COL4A6: variants seen among roughly 807,000 people sequenced by gnomAD.
The protein encoded by COL4A6 is collagen alpha-6(IV) chain.
Under a neutral mutation model 126.7 loss-of-function variants are expected in COL4A6, and 59 were observed. The ratio of observed to expected loss-of-function variants is 0.47; its 90% CI spans 0.38 to 0.58. The LOEUF (loss-of-function observed/expected upper bound fraction) is 0.58, where lower values mean the gene tolerates loss of function less well. Among genes scored for constraint, COL4A6 ranks in the 20% least tolerant of loss-of-function variants. The pLI, the probability that COL4A6 is intolerant of heterozygous loss-of-function variation, is 0.00. For synonymous variants in COL4A6, 547 were observed against 496.6 expected, an observed-to-expected ratio of 1.10 and a Z score of -1.35; for missense variants, 1,285 against 1,337.3, an observed-to-expected ratio of 0.96 and a Z score of 0.61.
At chrX:108,263,149 A>G (rs1013385013) in intron 3 of COL4A6, among the ~76,000 whole-genome samples, 1 of 111,254 alleles carries the variant, frequency 9.0e-6, no homozygotes, top group Admixed American at 9.6e-5. Context: ...AGCTGAAGCT[A>G]CTAGACTAAC....
chrX:108,340,677 C>T (rs1172367582), intron 2 of COL4A6, among the ~76,000 whole-genome samples: 1 of 110,415 alleles, frequency 9.1e-6, no homozygotes, highest in Non-Finnish European at 1.9e-5. Context: ...AATGATGTTT[C>T]ATATCATTTA....
At chrX:108,321,282 A>G (rs113629424) in intron 2 of COL4A6, among the ~76,000 whole-genome samples, 1 of 112,040 alleles carries the variant, frequency 8.9e-6, no homozygotes, top group Non-Finnish European at 1.9e-5. Flanking sequence ...GTTAAGTATC[A>G]GAGTGGGGAT....
intron 44 of COL4A6, among the ~76,000 whole-genome samples, chrX:108,158,167 G>T (rs1287653642): frequency 8.9e-6 from 1 of 112,878 alleles, no homozygotes; most frequent in Admixed American, 9.3e-5. Context: ...TTGCTAAGTA[G>T]CAGACACTAG....
chrX:108,354,540 A>G (rs936268351), intron 2 of COL4A6, among the ~76,000 whole-genome samples: 1 of 109,938 alleles, frequency 9.1e-6, no homozygotes, highest in Non-Finnish European at 1.9e-5. Flanking sequence ...CATTCACAGT[A>G]GGGGAAAAGA....
intron 2 of COL4A6, among the ~76,000 whole-genome samples, chrX:108,365,744 C>T (rs1366953168): frequency 1.8e-5 from 2 of 111,787 alleles, no homozygotes; most frequent in African/African-American, 6.5e-5. Context: ...TAAGTCTGGG[C>T]AAGACCTGAA....
chrX:108,159,830 A>G, intron 43 of COL4A6, 82 bp from the exon 44 acceptor site: 1 of 1,022,261 alleles, frequency 9.8e-7, no homozygotes, highest in African/African-American at 1.9e-5. Flanking sequence ...TTTACATCCA[A>G]CCACTTGCAC....
At chrX:108,260,034 C>T (rs60822345) in intron 3 of COL4A6, among the ~76,000 whole-genome samples, 2,041 of 109,544 alleles carry the variant, frequency 0.019, 32 homozygotes, top group East Asian at 0.077. Context: ...TCATGAGTGT[C>T]GTATGCTCTC....
At chrX:108,379,632 G>C (rs1269220612) in intron 2 of COL4A6, among the ~76,000 whole-genome samples, 1 of 107,627 alleles carries the variant, frequency 9.3e-6, no homozygotes, top group Non-Finnish European at 1.9e-5. Context: ...GACTCTGACT[G>C]ATTTAAGGGA....
At chrX:108,186,987 T>C in intron 23 of COL4A6, 109 bp downstream of exon 23, 3 of 647,537 alleles carry the variant, frequency 4.6e-6, no homozygotes, top group Non-Finnish European at 2.2e-6. Flanking sequence ...AAAGTAGTGA[T>C]TATGGTCAGA....
At chrX:108,355,098 C>CA (rs769718672) in intron 2 of COL4A6, among the ~76,000 whole-genome samples, 1 of 111,425 alleles carries the variant, frequency 9.0e-6, no homozygotes, top group Non-Finnish European at 1.9e-5. Context: ...ATAAAAATTA[C>CA]AAAGTCATAC....
At chrX:108,256,440 C>A (rs1320036606) in intron 3 of COL4A6, among the ~76,000 whole-genome samples, 1 of 111,552 alleles carries the variant, frequency 9.0e-6, no homozygotes, top group Admixed American at 9.5e-5. Flanking sequence ...TATATTAAAT[C>A]ATGCAATCTT....
At chrX:108,161,494 G>T in intron 42 of COL4A6, 125 bp downstream of exon 42, 1 of 477,851 alleles carries the variant, frequency 2.1e-6, no homozygotes, top group Non-Finnish European at 3.7e-6. Flanking sequence ...GAGCATCTTA[G>T]GAGTGTCAAG....
chrX:108,188,555 G>T lies in COL4A6; in HGVS notation c.1549C>A (p.Arg517=). The T allele has an allele frequency of 1.7e-6, 2 of 1,176,349 alleles. No homozygotes were observed. Among genetic ancestry groups the T allele is most frequent in the Non-Finnish European group, 2.3e-6 (2 of 877,882 alleles). Residue 517 remains arginine (R), a synonymous_variant, in exon 21 of 45, where the codon CGA becomes AGA. Transcript: ENST00000334504. ...GGGCCCTGTGCACCCCCAGAGCCTC[G>T]ATCTCCTCTGGCTCCTTTAAGGCCT... The part of the protein sequence containing the change: ...LPGLKGARGD[R]GSGGAQGPAG...
Position 108,400,348 on chromosome X carries a change from TG to T in COL4A6, c.63+37593del, listed in dbSNP as rs779415770. ...ACTTTGGCCATAAATCACATAAAGA[TG>T]GTACTATCTCATTACTCATTTTTGC... is the stretch of plus-strand genomic sequence containing the variant. On this transcript the variant is annotated intron_variant, in intron 2 of 44. Transcript: ENST00000334504. Among the ~76,000 whole-genome samples, 4 of 111,351 alleles carry T rather than the reference TG, an allele frequency of 3.6e-5. No individual in the cohort carries two copies. In the East Asian group the frequency reaches 1.1e-3, roughly 31 times the overall value.
At chrX:108,251,855 G>A (rs2036857611) in intron 3 of COL4A6, among the ~76,000 whole-genome samples, 1 of 110,771 alleles carries the variant, frequency 9.0e-6, no homozygotes, top group African/African-American at 3.3e-5. Context: ...TTTTTAATTG[G>A]CACATAATAA....
intron 3 of COL4A6, among the ~76,000 whole-genome samples, chrX:108,303,982 C>T (rs2038563223): frequency 1.8e-5 from 2 of 111,901 alleles, no homozygotes; most frequent in South Asian, 3.7e-4. Context: ...TGGTGTCTGA[C>T]TTAGATTGTC....
Position 108,157,098 on chromosome X carries a change from T to C in COL4A6, c.4975A>G (p.Arg1659Gly). The change falls in exon 45 of 45, where the codon AGG (arginine) becomes GGG (glycine). Residue 1659 changes from arginine to glycine, a missense_variant. Transcript: ENST00000334504. ...ACAGGCAACTCCCCAAACTGCTGCC[T>C]CTCCTCCACTGTGGTCAACCAGAAA... ...YSFWLTTVEE[R>G]QQFGELPVSE... is the part of the protein sequence containing the mutation. 8.3e-7 allele frequency: 1 copy of C among 1,211,519 alleles called. No individual in the cohort carries two copies. Among genetic ancestry groups the C allele is most frequent in the Non-Finnish European group, 1.1e-6 (1 of 895,384 alleles).
intron 3 of COL4A6, among the ~76,000 whole-genome samples, chrX:108,231,260 G>A (rs1207002759): frequency 1.8e-5 from 2 of 111,441 alleles, no homozygotes; most frequent in African/African-American, 3.3e-5. Context: ...GAAGCAGCCA[G>A]CCCAGGCATG....
chrX:108,434,567 A>G (rs1476894834), intron 2 of COL4A6, among the ~76,000 whole-genome samples: 1 of 110,980 alleles, frequency 9.0e-6, no homozygotes, highest in African/African-American at 3.3e-5. Flanking sequence ...AATTTTTGAA[A>G]TGGTTATATA....
Sources: gnomAD v4.1 joint callset for allele counts (sites outside exome capture counted in the v4.1 genomes callset) on GRCh38, gnomAD v4.1.1 for gene constraint, MANE v1.5 for transcripts, NCBI Gene and HGNC (gene_info 2026-07-23, HGNC 2026-07-21) for gene names.